The following LUC7L2 variants were observed in gnomAD, a reference collection of about 807,000 sequenced individuals.
LUC7L2 encodes putative RNA-binding protein Luc7-like 2.
A neutral mutation model predicts 52.8 loss-of-function variants in LUC7L2; 25 were observed. That is an observed-to-expected ratio of 0.47 (90% CI 0.34 to 0.66). The LOEUF is 0.66. LUC7L2 is among the 30% of genes least tolerant of loss of function. The pLI, the probability that LUC7L2 is intolerant of heterozygous loss-of-function variation, is 0.01. For synonymous variants in LUC7L2, 144 were observed against 160.9 expected, an observed-to-expected ratio of 0.89 and a Z score of 0.80; for missense variants, 328 against 497.8, an observed-to-expected ratio of 0.66 and a Z score of 3.25.
At chr7:139,414,003 A>C (rs533882625) in intron 8 of LUC7L2, among the ~76,000 whole-genome samples, 1 of 152,328 alleles carries the variant, frequency 6.6e-6, no homozygotes, top group Admixed American at 6.5e-5. Flanking sequence ...CTTTGTTGAA[A>C]ACATAAAGTA....
intron 1 of LUC7L2, among the ~76,000 whole-genome samples, chr7:139,374,241 C>G (rs1164284942): frequency 6.6e-6 from 1 of 152,074 alleles, no homozygotes; most frequent in Admixed American, 6.6e-5. Context: ...CTTGTTAAGT[C>G]AGTATTTAAA....
chr7:139,351,537 A>G (rs1799458417), intron 1 of LUC7L2, among the ~76,000 whole-genome samples: 1 of 152,020 alleles, frequency 6.6e-6, no homozygotes, highest in African/African-American at 2.4e-5. Context: ...CTTCAAGTCC[A>G]TTTTCCCCTA....
chr7:139,349,775 A>G (rs994409731), intron 1 of LUC7L2, among the ~76,000 whole-genome samples: 2 of 152,226 alleles, frequency 1.3e-5, no homozygotes, highest in Non-Finnish European at 2.9e-5. Context: ...AATGAATTAT[A>G]TTCACTTGCT....
chr7:139,390,015 G>T (rs1794363364), intron 2 of LUC7L2, among the ~76,000 whole-genome samples: 1 of 152,112 alleles, frequency 6.6e-6, no homozygotes. Flanking sequence ...AATTAACTTG[G>T]TGTGGCATGC....
chr7:139,376,992 AAG>A lies in LUC7L2; in HGVS notation c.156+842_156+843del, dbSNP rs367840952. ...GAGTTAAAATTAAGGACATGCCCCA[AAG>A]AGAGATGTATCAAGGCATATGCAAC... On this transcript the variant is annotated intron_variant, in intron 2 of 9. Transcript: ENST00000354926. 1.4e-4 allele frequency among the ~76,000 whole-genome samples: 21 copies of A among 152,318 alleles called. No homozygotes were observed. The East Asian group carries it at 2.7e-3, about 20-fold the overall frequency.
chr7:139,361,002 G>T (rs1799853061), intron 1 of LUC7L2, among the ~76,000 whole-genome samples: 1 of 152,222 alleles, frequency 6.6e-6, no homozygotes, highest in Admixed American at 6.5e-5. Context: ...GACAAATGTT[G>T]CATGTCCCTA....
upstream of LUC7L2, chr7:139,359,591 C>G: frequency 2.6e-6 from 1 of 387,764 alleles, no homozygotes; most frequent in Non-Finnish European, 4.6e-6. Context: ...TAACCTCTAG[C>G]GCATTTTGCT....
intron 1 of LUC7L2, among the ~76,000 whole-genome samples, chr7:139,361,255 C>G (rs975534688): frequency 6.6e-6 from 1 of 152,206 alleles, no homozygotes; most frequent in Non-Finnish European, 1.5e-5. Context: ...TAGTTCATTA[C>G]TTTCTTAACA....
At chr7:139,396,547 C>T (rs578172682) in intron 2 of LUC7L2, among the ~76,000 whole-genome samples, 4 of 152,330 alleles carry the variant, frequency 2.6e-5, no homozygotes, top group Middle Eastern at 6.8e-3. Context: ...AAAAATTCCT[C>T]AGTTGATTGA....
intron 1 of LUC7L2, chr7:139,371,587 T>C: frequency 8.3e-7 from 1 of 1,205,682 alleles, no homozygotes; most frequent in Non-Finnish European, 1.2e-6. Context: ...ATTGGGAAGA[T>C]AGCATGCAAA....
chr7:139,373,912 GTTTTGTTTTGT>G (rs899300786), intron 1 of LUC7L2, among the ~76,000 whole-genome samples: 3 of 151,940 alleles, frequency 2.0e-5, no homozygotes, highest in African/African-American at 4.8e-5. Context: ...GGATTTTTTT[GTTTTGTTTTGT>G]TTTTGTTTCA....
intron 1 of LUC7L2, among the ~76,000 whole-genome samples, chr7:139,348,927 G>T (rs1334490511): frequency 6.6e-6 from 1 of 152,050 alleles, no homozygotes; most frequent in Non-Finnish European, 1.5e-5. Context: ...TTGGGAGGCT[G>T]AGGCAGGTAG....
chr7:139,341,284 CGGTA>C, intron 1 of LUC7L2: 2 of 1,500,088 alleles, frequency 1.3e-6, no homozygotes, highest in Non-Finnish European at 1.8e-6. Context: ...TAGGGGGAGT[CGGTA>C]GTCTGTCCGA....
chr7:139,366,208 T>C (rs917295244), intron 1 of LUC7L2, among the ~76,000 whole-genome samples: 6 of 152,244 alleles, frequency 3.9e-5, no homozygotes, highest in African/African-American at 1.4e-4. Flanking sequence ...ACCCATATGT[T>C]CCAGTATAGT....
At chr7:139,404,525 A>AAAATTAAAT (rs1795040099) in intron 4 of LUC7L2, among the ~76,000 whole-genome samples, 1 of 152,182 alleles carries the variant, frequency 6.6e-6, no homozygotes, top group African/African-American at 2.4e-5. Context: ...AACAATAACA[A>AAAATTAAAT]CAAAAAATTA....
At chr7:139,345,355 T>G in intron 1 of LUC7L2, 1 of 1,263,068 alleles carries the variant, frequency 7.9e-7, no homozygotes, top group Non-Finnish European at 1.1e-6. Flanking sequence ...TCTATAGATG[T>G]ATTAAGTATA....
intron 3 of LUC7L2, among the ~76,000 whole-genome samples, chr7:139,401,750 GCTT>G (rs754962729): frequency 1.0e-3 from 151 of 145,542 alleles, no homozygotes; most frequent in Non-Finnish European, 1.3e-3. Context: ...ACCACGCCCA[GCTT>G]CTTTTTTTTT....
At chr7:139,394,028 C>T (rs1295222010) in intron 2 of LUC7L2, among the ~76,000 whole-genome samples, 2 of 152,024 alleles carry the variant, frequency 1.3e-5, no homozygotes, top group East Asian at 3.9e-4. Flanking sequence ...GGACTTAGAG[C>T]CCAGAAAGTG....
At chr7:139,421,404 CATA>C (rs1294840608) in intron 9 of LUC7L2, among the ~76,000 whole-genome samples, 1 of 152,076 alleles carries the variant, frequency 6.6e-6, no homozygotes, top group Non-Finnish European at 1.5e-5. Flanking sequence ...ATTCTGATTC[CATA>C]ATATGTTTGG....
Sources: allele counts gnomAD v4.1 joint callset (sites outside exome capture counted in the v4.1 genomes callset), GRCh38; gene constraint gnomAD v4.1.1; transcripts MANE v1.5; gene names NCBI Gene and HGNC (gene_info 2026-07-23, HGNC 2026-07-21).